LETM1: variants seen among roughly 807,000 people sequenced by gnomAD.
LETM1 encodes mitochondrial proton/calcium exchanger protein.
Under a neutral mutation model 74.5 loss-of-function variants are expected in LETM1, and 50 were observed. That is an observed-to-expected ratio of 0.67 (90% CI 0.53 to 0.85). LETM1 has a LOEUF of 0.85. Ranked by LOEUF, LETM1 falls within the 40% of genes least tolerant of loss-of-function variation. The pLI is 0.00. For missense variants in LETM1, 824 were observed against 967.8 expected (o/e 0.85, Z 1.97); for synonymous variants, 446 against 407.1 (o/e 1.10, Z -1.15).
At chr4:1,848,728 A>AG (rs937604410) in intron 2 of LETM1, among the ~76,000 whole-genome samples, 12 of 150,536 alleles carry the variant, frequency 8.0e-5, no homozygotes, top group African/African-American at 7.3e-5. Context: ...AAAAAAAAAA[A>AG]AAAAAAAAGA....
chr4:1,816,685 G>A (rs1711580156), intron 12 of LETM1, 42 bp downstream of exon 12: 1 of 1,586,406 alleles, frequency 6.3e-7, no homozygotes, highest in Middle Eastern at 1.7e-4. Context: ...GCCTCCCTAT[G>A]TGAGTCTCCG....
intron 4 of LETM1, 105 bp from the exon 5 acceptor site, chr4:1,835,087 C>G: frequency 9.4e-7 from 1 of 1,060,964 alleles, no homozygotes; most frequent in Non-Finnish European, 1.4e-6. Context: ...AAACATTTCA[C>G]AACACACTGA....
chr4:1,816,994 C>G, intron 11 of LETM1, 80 bp from the exon 12 acceptor site: 1 of 1,238,790 alleles, frequency 8.1e-7, no homozygotes, highest in Admixed American at 1.9e-5. Flanking sequence ...GCCTGTAATC[C>G]CAGTACTTTG....
chr4:1,826,393 C>T (rs1253961455), intron 6 of LETM1, among the ~76,000 whole-genome samples: 1 of 152,230 alleles, frequency 6.6e-6, no homozygotes, highest in Non-Finnish European at 1.5e-5. Context: ...CCAGTTTTAA[C>T]AAGTAACAAA....
chr4:1,813,523 C>T lies in LETM1; in HGVS notation c.*901G>A, dbSNP rs183469487. On this transcript the variant is annotated 3_prime_UTR_variant, in exon 14 of 14. Transcript: ENST00000302787. ...CAGGGGATGCCCTGTGCCGGATCCT[C>T]ATGCCTCATTGACTAGCCTGCTTGC... 1 of 152,556 alleles carries T rather than the reference C, an allele frequency of 6.6e-6. No individual in the cohort carries two copies. The highest frequency in any genetic ancestry group is 2.4e-5 in the African/African-American group (1 of 41,586). 9.5% of individuals were successfully genotyped at this position (152,556 alleles called of 1,614,324 possible). A position where few individuals can be genotyped will look rare whatever the true frequency, so the allele number is the denominator to read the frequency against.
chr4:1,822,600 G>C, intron 9 of LETM1: 1 of 347,966 alleles, frequency 2.9e-6, no homozygotes, highest in Non-Finnish European at 5.1e-6. Context: ...CTGTGGGTGG[G>C]CACCATGCAT....
In LETM1 at chr4:1,825,625, C is replaced by T; in HGVS notation, c.1139G>A (p.Arg380Gln). The T allele has an allele frequency of 1.2e-6, 2 of 1,614,060 alleles. No homozygotes were observed. The highest frequency in any genetic ancestry group is 1.7e-6 in the Non-Finnish European group (2 of 1,179,982). The stretch of plus-strand genomic sequence containing the variant: ...GCCCAGGGCCCGCATGCCTCGTGCC[C>T]GACACGCTGCCTGCAGCTCCTTGAC... ...LNVKELQAAC[R>Q]ARGMRALGVT... is the part of the protein sequence containing the mutation. Residue 380 changes from arginine to glutamine, a missense_variant, in exon 7 of 14, where the codon CGG becomes CAG. Physicochemically the swap from Arg to Gln is conservative, Grantham distance 43. Transcript: ENST00000302787.
At chr4:1,827,012 C>T (rs1409247516) in intron 6 of LETM1, among the ~76,000 whole-genome samples, 1 of 152,204 alleles carries the variant, frequency 6.6e-6, no homozygotes, top group Non-Finnish European at 1.5e-5. Flanking sequence ...CCGTGGAGCC[C>T]GTCCCTCAGC....
rs1347410840 is a variant in LETM1 at position 1,812,436 on chromosome 4, C to G, written c.*1988G>C. 1 of 146,678 alleles carries G rather than the reference C, an allele frequency of 6.8e-6. No individual in the cohort carries two copies. Among genetic ancestry groups the G allele is most frequent in the Non-Finnish European group, 1.5e-5 (1 of 67,028 alleles). 9.1% of individuals were successfully genotyped at this position (146,678 alleles called of 1,614,324 possible). A position where few individuals can be genotyped will look rare whatever the true frequency, so the allele number is the denominator to read the frequency against. ...AGGAGGAAACACTGAATTCCTAAAT[C>G]AGGAATTCGTTTCATTTTCACCAGG... On this transcript the variant is annotated 3_prime_UTR_variant, in exon 14 of 14. Transcript: ENST00000302787.
intron 3 of LETM1, among the ~76,000 whole-genome samples, chr4:1,838,261 G>A (rs1054948211): frequency 7.9e-5 from 12 of 151,382 alleles, no homozygotes; most frequent in Admixed American, 3.9e-4. Flanking sequence ...CACCACGACC[G>A]GCTAATTTTT....
Position 1,825,468 on chromosome 4 carries a change from C to T in LETM1, c.1200+96G>A, listed in dbSNP as rs113891174. On this transcript the variant is annotated intron_variant, in intron 7 of 13. Transcript: ENST00000302787. ...AGGTCACAGTGTCGCCTCGCCAGGC[C>T]GGCCCAGAGTTTGGGAAGAGCCTCC... 93 of 1,474,692 alleles carry T rather than the reference C, an allele frequency of 6.3e-5. 2 individuals carry two copies. The highest frequency in any genetic ancestry group is 2.9e-4 in the African/African-American group (21 of 71,840). The allele number at this position is 1,474,692 out of a possible 1,614,324, so 91.4% of individuals were successfully genotyped here.
chr4:1,846,288 G>A (rs1222324116), intron 2 of LETM1, among the ~76,000 whole-genome samples: 1 of 151,996 alleles, frequency 6.6e-6, no homozygotes, highest in Non-Finnish European at 1.5e-5. Flanking sequence ...CAGCTTTTAT[G>A]TTTTGTTGTT....
intron 8 of LETM1, among the ~76,000 whole-genome samples, chr4:1,823,412 C>T (rs1405571097): frequency 6.6e-6 from 1 of 151,940 alleles, no homozygotes; most frequent in Non-Finnish European, 1.5e-5. Context: ...AACACGTGGC[C>T]AGGTCGGGAC....
rs1437982158 is a variant in LETM1 at position 1,841,805 on chromosome 4, A to T, written c.144-8T>A. The T allele has an allele frequency of 6.2e-7, 1 of 1,601,172 alleles. No homozygotes were observed. The highest frequency in any genetic ancestry group is 8.5e-7 in the Non-Finnish European group (1 of 1,173,032). On this transcript the variant is annotated splice_polypyrimidine_tract_variant and splice_region_variant and intron_variant, in intron 2 of 13. Transcript: ENST00000302787. ...CAGCCAAATGGAACATTCCTTGAAA[A>T]GGGAAGAGTGGAAAACAGTAGTAAG...
At chr4:1,832,461 G>A (rs369381406) in intron 6 of LETM1, among the ~76,000 whole-genome samples, 3 of 152,134 alleles carry the variant, frequency 2.0e-5, no homozygotes, top group African/African-American at 7.2e-5. Flanking sequence ...AGGCACAGAG[G>A]CACTGTCATC....
In LETM1 at chr4:1,823,042, C is replaced by G; in HGVS notation, c.1422G>C (p.Ala474=). Residue 474 remains alanine (A), a synonymous_variant, in exon 9 of 14, where the codon GCG becomes GCC. Transcript: ENST00000302787. Reference sequence around the variant, plus strand: ...TCTCACGGTGCTCCTGCTGGATGGCCGCCTCCTCCTGCAGCGTGGCCTCCA... The same window carrying G: ...TCTCACGGTGCTCCTGCTGGATGGCGGCCTCCTCCTGCAGCGTGGCCTCCA... ...AKLEATLQEE[A]AIQQEHREKE... The G allele has an allele frequency of 6.2e-7, 1 of 1,609,070 alleles. No individual in the cohort carries two copies. The highest frequency in any genetic ancestry group is 8.5e-7 in the Non-Finnish European group (1 of 1,177,324).
chr4:1,834,983 C>T lies in LETM1; in HGVS notation c.739-1G>A, dbSNP rs759363605. 3 of 1,613,778 alleles carry T rather than the reference C, an allele frequency of 1.9e-6. No individual in the cohort carries two copies. The highest frequency in any genetic ancestry group is 2.5e-6 in the Non-Finnish European group (3 of 1,179,868). On this transcript the variant is annotated splice_acceptor_variant, in intron 4 of 13. Transcript: ENST00000302787. LOFTEE classifies it high-confidence loss of function. The surrounding 1 kb of genome is among the most constrained non-coding windows in gnomAD (Gnocchi z 5.0). ...GAAGCTCCTTCTTCAGCCTCTCCTC[C>T]TGCAAGGGCAGAGAGGGCACTGCAT...
chr4:1,846,490 C>T (rs1419012362), intron 2 of LETM1: 2 of 152,114 alleles, frequency 1.3e-5, no homozygotes, highest in African/African-American at 4.8e-5. Context: ...TGGTCTTGAA[C>T]TCTTGACCTC....
rs761453070 is a variant in LETM1, at chr4:1,814,590, G to A, written c.2071-17C>T. The A allele has an allele frequency of 6.2e-7, 1 of 1,611,258 alleles. No individual in the cohort carries two copies. The highest frequency in any genetic ancestry group is 1.1e-5 in the South Asian group (1 of 90,728). ...CTCAATCACCTACACACGTGGGAAA[G>A]GGAGAGGCTCAGGTGGCTGCGCCCT... On this transcript the variant is annotated splice_polypyrimidine_tract_variant and intron_variant, in intron 13 of 13. Transcript: ENST00000302787.
Sources: gnomAD v4.1 joint callset for allele counts (sites outside exome capture counted in the v4.1 genomes callset) on GRCh38, gnomAD v4.1.1 for gene constraint, Gnocchi (gnomAD v3.1) non-coding constraint, MANE v1.5 for transcripts, NCBI Gene and HGNC (gene_info 2026-07-23, HGNC 2026-07-21) for gene names.